Variants in OR6C1 observed in about 807,000 individuals in gnomAD.
OR6C1 encodes olfactory receptor family 6 subfamily C member 1.
For missense variants in OR6C1, 386 were observed against 366.1 expected (o/e 1.05, Z -0.44); for synonymous variants, 157 against 133.3 (o/e 1.18, Z -1.22).
chr12:55,320,427 G>C (rs1289179132), intron 1 of OR6C1, 140 bp from the exon 2 acceptor site: 3 of 570,020 alleles, frequency 5.3e-6, no homozygotes, highest in African/African-American at 3.8e-5. Flanking sequence ...GAAATTAAAG[G>C]ACCACTGTTA....
chr12:55,316,745 C>G (rs912931533), intron 1 of OR6C1, among the ~76,000 whole-genome samples: 2 of 151,896 alleles, frequency 1.3e-5, no homozygotes, highest in Non-Finnish European at 2.9e-5. Context: ...CTTTCATAAA[C>G]ATTTCTACAT....
chr12:55,320,113 C>G (rs941421562), intron 1 of OR6C1, among the ~76,000 whole-genome samples: 2 of 152,088 alleles, frequency 1.3e-5, no homozygotes, highest in African/African-American at 4.8e-5. Context: ...TGCACTCCAG[C>G]CTGGGTGACA....
chr12:55,317,577 G>A (rs552394607), intron 1 of OR6C1, among the ~76,000 whole-genome samples: 2 of 152,038 alleles, frequency 1.3e-5, no homozygotes, highest in African/African-American at 2.4e-5. Context: ...TGCACTGATG[G>A]CAGTGTGTGA....
intron 1 of OR6C1, among the ~76,000 whole-genome samples, chr12:55,319,441 G>C (rs1425888235): frequency 6.6e-6 from 1 of 152,168 alleles, no homozygotes; most frequent in Non-Finnish European, 1.5e-5. Flanking sequence ...ACACAGACCA[G>C]GTGGTTTTTC....
rs185237956 is a variant in OR6C1 at position 55,316,838 on chromosome 12, G to A, written c.-34+2239G>A. Among the ~76,000 whole-genome samples, 327 of 151,956 alleles carry A rather than the reference G, an allele frequency of 2.2e-3. 3 individuals carry two copies. Among genetic ancestry groups the A allele is most frequent in the African/African-American group, 7.3e-3 (304 of 41,532 alleles). ...CTTTAAGCCTGTTTCCCTAGTCTTT[G>A]AAGACCAGCTATGGAAGTGTCTATT... On this transcript the variant is annotated intron_variant, in intron 1 of 1. Coordinates refer to ENST00000642104, the MANE Select transcript of OR6C1 (RefSeq NM_001005182.2).
intron 1 of OR6C1, among the ~76,000 whole-genome samples, chr12:55,315,051 T>A (rs1868387210): frequency 2.0e-5 from 3 of 151,602 alleles, no homozygotes; most frequent in African/African-American, 7.3e-5. Context: ...ACAATGAATA[T>A]TTTCCCAAAT....
rs1592263438 is a variant in OR6C1, at chr12:55,321,968, A to C, written c.*430A>C. On this transcript the variant is annotated 3_prime_UTR_variant, in exon 2 of 2. Coordinates refer to ENST00000642104, the MANE Select transcript of OR6C1 (RefSeq NM_001005182.2). ...GTTCTAGGAAATATGTGAAAGATAC[A>C]ATATAATTTTTAAAAAATGTAAGTG... The C allele has an allele frequency of 6.6e-6, 1 of 152,172 alleles. No homozygotes were observed. The highest frequency in any genetic ancestry group is 1.5e-5 in the Non-Finnish European group (1 of 68,080). The allele number at this position is 152,172 out of a possible 1,614,324, so 9.4% of individuals were successfully genotyped here. A position where few individuals can be genotyped will look rare whatever the true frequency, so the allele number is the denominator to read the frequency against.
rs1426205670 is a variant in OR6C1 at position 55,314,403 on chromosome 12, C to G, written c.-230C>G. The G allele has an allele frequency of 6.6e-6, 1 of 151,308 alleles. No homozygotes were observed. The highest frequency in any genetic ancestry group is 2.4e-5 in the African/African-American group (1 of 41,298). The allele number at this position is 151,308 out of a possible 1,614,324, so 9.4% of individuals were successfully genotyped here. The stretch of plus-strand genomic sequence containing the variant: ...TATATTTTTGCTCCTTTCTCACTCT[C>G]TACTATCAAAGACACATATTCTGTC... On this transcript the variant is annotated 5_prime_UTR_variant, in exon 1 of 2. Transcript: ENST00000642104.
chr12:55,318,697 ATAAG>A (rs1868463079), intron 1 of OR6C1, among the ~76,000 whole-genome samples: 1 of 149,512 alleles, frequency 6.7e-6, no homozygotes, highest in Admixed American at 6.7e-5. Flanking sequence ...TAGAAAAGTT[ATAAG>A]TAAGCTAATA....
Position 55,321,649 on chromosome 12 carries a change from TAA to T in OR6C1, c.*114_*115del. The stretch of plus-strand genomic sequence containing the variant: ...GTCTTCTGCATCATTTTCTTTTCCC[TAA>T]AAGTTTGCAAGCATATTTATTTAAT... On this transcript the variant is annotated 3_prime_UTR_variant, in exon 2 of 2. Transcript: ENST00000642104. The T allele has an allele frequency of 1.6e-6, 1 of 618,952 alleles. No homozygotes were observed. Among genetic ancestry groups the T allele is most frequent in the Non-Finnish European group, 2.6e-6 (1 of 381,620 alleles). 38.3% of individuals were successfully genotyped at this position (618,952 alleles called of 1,614,324 possible). A position where few individuals can be genotyped will look rare whatever the true frequency, so the allele number is the denominator to read the frequency against.
rs1024258126 is a variant in OR6C1, at chr12:55,320,822, A to G, written c.223A>G (p.Ser75Gly). Reference protein sequence around the residue: ...SILEISFTTVSIPKFLGNIIS... With the variant: ...SILEISFTTVGIPKFLGNIIS... ...ATTAGAAATTTCGTTCACAACCGTC[A>G]GTATACCCAAGTTTCTGGGTAACAT... Residue 75 changes from serine to glycine, a missense_variant, in exon 2 of 2, where the codon AGT becomes GGT. Transcript: ENST00000642104. 9.9e-6 allele frequency: 16 copies of G among 1,613,618 alleles called. No individual in the cohort carries two copies. Among genetic ancestry groups the G allele is most frequent in the Non-Finnish European group, 1.4e-5 (16 of 1,179,632 alleles).
At position 55,321,762 on chromosome 12, in the gene OR6C1, T is replaced by G. The variant is rs1405773556; in HGVS notation, c.*224T>G. On this transcript the variant is annotated 3_prime_UTR_variant, in exon 2 of 2. Transcript: ENST00000642104. ...CAATTTTTTGTAAAATTACAAGCTC[T>G]TCAAGAATATTTTGAAAACTAAAAT... The G allele has an allele frequency of 2.7e-6, 1 of 372,050 alleles. No homozygotes were observed. Among genetic ancestry groups the G allele is most frequent in the Non-Finnish European group, 4.8e-6 (1 of 209,020 alleles). The allele number at this position is 372,050 out of a possible 1,614,324, so 23.0% of individuals were successfully genotyped here.
Position 55,320,995 on chromosome 12 carries a change from T to C in OR6C1, c.396T>C (p.Ser132=). The part of the protein sequence containing the change: ...VAICKPLHCL[S]IMNRRVCTLL... ...TCTGCAAGCCTCTGCATTGCTTGAG[T>C]ATCATGAATCGAAGAGTCTGCACAC... The change falls in exon 2 of 2, where the codon AGT becomes AGC. Residue 132 remains serine, a synonymous_variant. Coordinates refer to ENST00000642104, the MANE Select transcript of OR6C1 (RefSeq NM_001005182.2). The C allele has an allele frequency of 6.2e-7, 1 of 1,613,964 alleles. No individual in the cohort carries two copies. Among genetic ancestry groups the C allele is most frequent in the Non-Finnish European group, 8.5e-7 (1 of 1,179,962 alleles).
intron 1 of OR6C1, among the ~76,000 whole-genome samples, chr12:55,317,648 G>A (rs183120495): frequency 2.7e-4 from 41 of 151,858 alleles, no homozygotes; most frequent in African/African-American, 9.9e-4. Context: ...TTTCCTTTAA[G>A]CCTACCACAA....
chr12:55,321,021 T>A lies in OR6C1; in HGVS notation c.422T>A (p.Leu141Gln), dbSNP rs999998646. The A allele has an allele frequency of 1.2e-6, 2 of 1,613,846 alleles. No individual in the cohort carries two copies. The highest frequency in any genetic ancestry group is 1.7e-6 in the Non-Finnish European group (2 of 1,179,886). Residue 141 changes from leucine to glutamine, a missense_variant, in exon 2 of 2, where the codon CTG becomes CAG. By Grantham distance (113) the Leu-to-Gln change is moderately radical (BLOSUM62 -2). Transcript: ENST00000642104. ...LSIMNRRVCT[L>Q]LVFTSWLVSF... The stretch of plus-strand genomic sequence containing the variant: ...ATCATGAATCGAAGAGTCTGCACAC[T>A]GCTTGTTTTTACTTCTTGGCTGGTT...
Position 55,320,679 on chromosome 12 carries a change from T to C in OR6C1, c.80T>C (p.Val27Ala). ...DDPNFQVVIF[V>A]FLLITYMLSI... ...CCAAATTTTCAGGTTGTAATCTTTG[T>C]CTTCCTGCTCATCACCTACATGCTC... Residue 27 changes from valine (V) to alanine (A), a missense_variant, in exon 2 of 2, where the codon GTC (valine) becomes GCC (alanine). By Grantham distance (64) the Val-to-Ala change is moderately conservative. Transcript: ENST00000642104. 1.9e-6 allele frequency: 3 copies of C among 1,613,764 alleles called. No homozygotes were observed. The highest frequency in any genetic ancestry group is 2.5e-6 in the Non-Finnish European group (3 of 1,179,684).
In OR6C1 at chr12:55,320,975, A is replaced by G. The variant is rs1327316073; in HGVS notation, c.376A>G (p.Lys126Glu). The change falls in exon 2 of 2, where the codon AAG (lysine) becomes GAG (glutamate). Residue 126 changes from lysine to glutamate, a missense_variant. Coordinates refer to ENST00000642104, the MANE Select transcript of OR6C1 (RefSeq NM_001005182.2). ...CTATGACCGCTATGTGGCCATCTGC[A>G]AGCCTCTGCATTGCTTGAGTATCAT... is the stretch of plus-strand genomic sequence containing the variant. The part of the protein sequence containing the change: ...MSYDRYVAIC[K>E]PLHCLSIMNR... 1.9e-6 allele frequency: 3 copies of G among 1,613,910 alleles called. No homozygotes were observed. The highest frequency in any genetic ancestry group is 2.5e-6 in the Non-Finnish European group (3 of 1,179,978).
intron 1 of OR6C1, among the ~76,000 whole-genome samples, chr12:55,318,813 G>T (rs1868465219): frequency 1.3e-5 from 2 of 151,312 alleles, no homozygotes; most frequent in Non-Finnish European, 2.9e-5. Context: ...TATAGGTGAG[G>T]ATACTGAGAC....
chr12:55,315,040 T>TTTTGGG, intron 1 of OR6C1, among the ~76,000 whole-genome samples: 1 of 151,650 alleles, frequency 6.6e-6, no homozygotes, highest in African/African-American at 2.4e-5. Flanking sequence ...AAATCACAAC[T>TTTTGGG]ACAATGAATA....
Sources: allele counts gnomAD v4.1 joint callset (sites outside exome capture counted in the v4.1 genomes callset), GRCh38; gene constraint gnomAD v4.1.1; transcripts MANE v1.5; gene names NCBI Gene and HGNC (gene_info 2026-07-23, HGNC 2026-07-21).